CNTN4: variants seen among roughly 807,000 people sequenced by gnomAD.
CNTN4 encodes contactin 4.
A neutral mutation model predicts 122.5 loss-of-function variants in CNTN4; 77 were observed. The ratio of observed to expected loss-of-function variants is 0.63; its 90% CI spans 0.52 to 0.76. The LOEUF (loss-of-function observed/expected upper bound fraction) is 0.76, where lower values mean the gene tolerates loss of function less well. Among genes scored for constraint, CNTN4 ranks in the 30% least tolerant of loss-of-function variants. CNTN4 has a pLI of 0.00. For synonymous variants in CNTN4, 512 were observed against 447.0 expected, an observed-to-expected ratio of 1.15 and a Z score of -1.83; for missense variants, 1,256 against 1,259.1, an observed-to-expected ratio of 1.00 and a Z score of 0.04.
At chr3:2,253,145 A>G (rs1043617709) in intron 2 of CNTN4, among the ~76,000 whole-genome samples, 2 of 122,838 alleles carry the variant, frequency 1.6e-5, no homozygotes, top group East Asian at 2.1e-4. Context: ...AAATTGGTCA[A>G]GGTAACTAGA....
intron 3 of CNTN4, among the ~76,000 whole-genome samples, chr3:2,440,435 G>C (rs376030159): frequency 6.6e-6 from 1 of 152,118 alleles, no homozygotes; most frequent in East Asian, 1.9e-4. Flanking sequence ...TCTTTGTTTA[G>C]ATATGACCTT....
intron 3 of CNTN4, among the ~76,000 whole-genome samples, chr3:2,469,006 T>G (rs2075598788): frequency 6.6e-6 from 1 of 152,204 alleles, no homozygotes; most frequent in African/African-American, 2.4e-5. Flanking sequence ...TTGCTATAAT[T>G]GGCCTAGTCC....
At chr3:2,409,810 AT>A (rs1205286784) in intron 3 of CNTN4, among the ~76,000 whole-genome samples, 2 of 152,134 alleles carry the variant, frequency 1.3e-5, no homozygotes, top group Admixed American at 6.6e-5. Context: ...CACTATTTAA[AT>A]ATGTCCATGT....
intron 6 of CNTN4, among the ~76,000 whole-genome samples, chr3:2,803,849 C>A (rs539718324): frequency 1.3e-5 from 2 of 152,098 alleles, no homozygotes; most frequent in South Asian, 4.2e-4. Context: ...GTGAGAGCCA[C>A]CAAGCCCGGC....
chr3:2,729,543 C>CA (rs377584644), intron 4 of CNTN4, among the ~76,000 whole-genome samples: 40,487 of 69,790 alleles, frequency 0.58, 11,698 homozygotes, highest in Middle Eastern at 0.66. Context: ...GACTCCATCT[C>CA]AAAAAAAAAA....
intron 3 of CNTN4, among the ~76,000 whole-genome samples, chr3:2,549,778 T>C (rs371138859): frequency 5.6e-4 from 85 of 152,234 alleles, no homozygotes; most frequent in East Asian, 3.3e-3. Context: ...AGAATGGTAC[T>C]AGCTCCTCTT....
chr3:2,528,713 C>T (rs1268012134), intron 3 of CNTN4, among the ~76,000 whole-genome samples: 1 of 151,960 alleles, frequency 6.6e-6, no homozygotes, highest in African/African-American at 2.4e-5. Context: ...AGAATATGAA[C>T]CAAGGTTTTT....
chr3:2,480,271 A>G lies in CNTN4; in HGVS notation c.-88-91145A>G, dbSNP rs548428678. 5.3e-5 allele frequency among the ~76,000 whole-genome samples: 8 copies of G among 152,282 alleles called. No individual in the cohort carries two copies. The East Asian group carries it at 1.5e-3, about 29-fold the overall frequency. Reference sequence around the variant, plus strand: ...CATACTAGATGTTTTTAGCTAATGCAACAAGACAAGAAAAAGTAAAAGTAT... The same window carrying G: ...CATACTAGATGTTTTTAGCTAATGCGACAAGACAAGAAAAAGTAAAAGTAT... On this transcript the variant is annotated intron_variant, in intron 3 of 24. Transcript: ENST00000418658.
At chr3:2,465,963 A>G (rs2075482497) in intron 3 of CNTN4, among the ~76,000 whole-genome samples, 1 of 152,200 alleles carries the variant, frequency 6.6e-6, no homozygotes, top group Non-Finnish European at 1.5e-5. Context: ...GACTTGATGC[A>G]TTCATGTGTC....
Position 3,040,209 on chromosome 3 carries a change from T to C in CNTN4, c.2336T>C (p.Val779Ala), listed in dbSNP as rs1417865865. 1 of 1,614,236 alleles carries C rather than the reference T, an allele frequency of 6.2e-7. No homozygotes were observed. Among genetic ancestry groups the C allele is most frequent in the Non-Finnish European group, 8.5e-7 (1 of 1,180,038 alleles). Reference protein sequence around the residue: ...PFSPFEVKVGVFNNKGEGPFS... With the variant: ...PFSPFEVKVGAFNNKGEGPFS... The stretch of plus-strand genomic sequence containing the variant: ...TCTCCCTTTGAGGTTAAAGTAGGTG[T>C]CTTCAACAACAAAGGAGAAGGCCCT... The change falls in exon 20 of 25, where the codon GTC (valine) becomes GCC (alanine). Residue 779 changes from valine to alanine, a missense_variant. Coordinates refer to ENST00000418658, the MANE Select transcript of CNTN4 (RefSeq NM_175607.3).
At chr3:2,158,724 C>T (rs752394617) in intron 2 of CNTN4, among the ~76,000 whole-genome samples, 18 of 152,276 alleles carry the variant, frequency 1.2e-4, no homozygotes, top group African/African-American at 3.1e-4. Flanking sequence ...ACATGCAGCA[C>T]GCACTGCTGG....
chr3:2,469,341 G>A (rs2075608822), intron 3 of CNTN4, among the ~76,000 whole-genome samples: 1 of 152,192 alleles, frequency 6.6e-6, no homozygotes, highest in Admixed American at 6.5e-5. Flanking sequence ...CATTAAGTAA[G>A]TAACAAAGTT....
At chr3:2,586,948 C>T (rs1377673021) in intron 4 of CNTN4, among the ~76,000 whole-genome samples, 1 of 152,156 alleles carries the variant, frequency 6.6e-6, no homozygotes, top group Non-Finnish European at 1.5e-5. Context: ...CTCCTTCCCT[C>T]CTTTGATTTT....
intron 6 of CNTN4, among the ~76,000 whole-genome samples, chr3:2,794,860 C>T (rs1346787672): frequency 2.0e-5 from 3 of 152,146 alleles, no homozygotes; most frequent in South Asian, 2.1e-4. Flanking sequence ...TGTGCACTCA[C>T]GTGGTGGAAG....
At chr3:2,455,549 C>T (rs539119154) in intron 3 of CNTN4, among the ~76,000 whole-genome samples, 6 of 152,000 alleles carry the variant, frequency 3.9e-5, no homozygotes, top group African/African-American at 7.2e-5. Context: ...TTCAGCGATC[C>T]GTTTTAACTG....
intron 3 of CNTN4, among the ~76,000 whole-genome samples, chr3:2,349,065 G>T (rs62244022): frequency 6.6e-6 from 1 of 152,056 alleles, no homozygotes; most frequent in Non-Finnish European, 1.5e-5. Context: ...TCCAGCTGAA[G>T]TCTTTTAAAA....
Position 2,287,640 on chromosome 3 carries a change from GAAGAAGAAGAAGAAGAAGA to G in CNTN4, c.-144-51536_-144-51518del, listed in dbSNP as rs1440647661. Among the ~76,000 whole-genome samples the G allele has an allele frequency of 4.0e-3, 233 of 58,432 alleles. 5 individuals are homozygous for G. Among genetic ancestry groups the G allele is most frequent in the Non-Finnish European group, 5.7e-3 (165 of 29,016 alleles). The allele number at this position is 58,432 out of a possible 152,430, so 38.3% of individuals were successfully genotyped here. On this transcript the variant is annotated intron_variant, in intron 2 of 24. Coordinates refer to ENST00000418658, the MANE Select transcript of CNTN4 (RefSeq NM_175607.3). ...AGAAGGAGAAGGAGAAGGAGAAGAA[GAAGAAGAAGAAGAAGAAGA>G]AGAAGAAGAAGAAGAAGAAGAAGAA...
At chr3:2,883,118 A>G in intron 8 of CNTN4, 27 bp from the exon 9 acceptor site, 2 of 1,513,890 alleles carry the variant, frequency 1.3e-6, no homozygotes, top group Non-Finnish European at 1.8e-6. Context: ...AGAATCTCCA[A>G]GACTTAGCCC....
At chr3:2,954,758 C>G (rs1393966813) in intron 13 of CNTN4, among the ~76,000 whole-genome samples, 1 of 151,866 alleles carries the variant, frequency 6.6e-6, no homozygotes, top group African/African-American at 2.4e-5. Context: ...TACCACAATT[C>G]CATATGGAGT....
Sources: gnomAD v4.1 joint callset for allele counts (sites outside exome capture counted in the v4.1 genomes callset) on GRCh38, gnomAD v4.1.1 for gene constraint, MANE v1.5 for transcripts, NCBI Gene and HGNC (gene_info 2026-07-23, HGNC 2026-07-21) for gene names.